Variants in SCLT1 observed in about 807,000 individuals in gnomAD.
The protein encoded by SCLT1 is sodium channel-associated protein 1.
In SCLT1, 78 loss-of-function variants were observed where a neutral mutation model predicts 112.8. That is an observed-to-expected ratio of 0.69 (90% confidence interval 0.58 to 0.83). The LOEUF is 0.83. Among genes scored for constraint, SCLT1 ranks in the 40% least tolerant of loss-of-function variants. SCLT1 has a pLI of 0.00. For synonymous variants in SCLT1, 257 were observed against 254.7 expected (o/e 1.01, Z -0.09); for missense variants, 747 against 770.4 (o/e 0.97, Z 0.36).
intron 9 of SCLT1, among the ~76,000 whole-genome samples, chr4:128,987,020 A>T (rs1742156509): frequency 6.6e-6 from 1 of 152,098 alleles, no homozygotes; most frequent in African/African-American, 2.4e-5. Context: ...CCCTCATCTT[A>T]CCGAAGTCTA....
downstream of SCLT1, among the ~76,000 whole-genome samples, chr4:128,880,095 T>C (rs1732608900): frequency 6.6e-6 from 1 of 152,194 alleles, no homozygotes; most frequent in Non-Finnish European, 1.5e-5. Context: ...CTAGATTACA[T>C]CTGGAAAATA....
At chr4:129,045,536 T>C (rs2125702251) in intron 2 of SCLT1, among the ~76,000 whole-genome samples, 2 of 152,058 alleles carry the variant, frequency 1.3e-5, no homozygotes, top group Non-Finnish European at 2.9e-5. Context: ...AAATAAAAAA[T>C]GATACAATAG....
chr4:128,881,423 T>G (rs1579270658), downstream of SCLT1, among the ~76,000 whole-genome samples: 1 of 152,214 alleles, frequency 6.6e-6, no homozygotes, highest in Non-Finnish European at 1.5e-5. Flanking sequence ...ATATTTAATA[T>G]TTGCAGACTT....
At chr4:129,001,529 T>C (rs1394556588) in intron 6 of SCLT1, among the ~76,000 whole-genome samples, 1 of 152,114 alleles carries the variant, frequency 6.6e-6, no homozygotes, top group Non-Finnish European at 1.5e-5. Flanking sequence ...AATATATTTA[T>C]TCAAAAATTT....
At chr4:129,081,480 G>A (rs772627511) in intron 2 of SCLT1, among the ~76,000 whole-genome samples, 3 of 152,210 alleles carry the variant, frequency 2.0e-5, no homozygotes, top group Non-Finnish European at 4.4e-5. Context: ...GCATGGCTTG[G>A]GAAGCCTCAG....
In SCLT1 at chr4:128,993,933, T is replaced by C. The variant is rs1041418725; in HGVS notation, c.616-1696A>G. 4.6e-5 allele frequency among the ~76,000 whole-genome samples: 7 copies of C among 152,192 alleles called. No homozygotes were observed. The East Asian group carries it at 1.3e-3, about 29-fold the overall frequency. Reference sequence around the variant, plus strand: ...CTATCTACAGCATAATAAATAGAAATATATACTTTTATGTACCATTCATGT... The same window carrying C: ...CTATCTACAGCATAATAAATAGAAACATATACTTTTATGTACCATTCATGT... On this transcript the variant is annotated intron_variant, in intron 8 of 20. Coordinates refer to ENST00000281142, the MANE Select transcript of SCLT1 (RefSeq NM_144643.4).
At chr4:128,946,266 T>A in intron 15 of SCLT1, 114 bp from the exon 16 acceptor site, 1 of 612,374 alleles carries the variant, frequency 1.6e-6, no homozygotes. Flanking sequence ...TGTTCATTTG[T>A]TCTGACCGTA....
At chr4:129,031,043 C>T (rs1365340282) in intron 5 of SCLT1, among the ~76,000 whole-genome samples, 6 of 152,058 alleles carry the variant, frequency 3.9e-5, no homozygotes, top group Admixed American at 6.6e-5. Flanking sequence ...CCCTGATGAA[C>T]ATCGATGCAA....
downstream of SCLT1, among the ~76,000 whole-genome samples, chr4:128,880,234 G>A (rs966633528): frequency 1.3e-5 from 2 of 152,158 alleles, no homozygotes; most frequent in East Asian, 3.8e-4. Flanking sequence ...TCTGACATGT[G>A]CTGATCAGTT....
intron 18 of SCLT1, among the ~76,000 whole-genome samples, chr4:128,922,519 A>C (rs574338411): frequency 6.6e-6 from 1 of 152,296 alleles, no homozygotes; most frequent in African/African-American, 2.4e-5. Context: ...ATGGAGTTGG[A>C]GGCCACAGTC....
intron 2 of SCLT1, among the ~76,000 whole-genome samples, chr4:129,053,003 A>G (rs1395055738): frequency 3.3e-5 from 5 of 152,158 alleles, no homozygotes; most frequent in Non-Finnish European, 7.3e-5. Flanking sequence ...GTCATTCAAG[A>G]GCAGGTTGTT....
chr4:128,997,088 A>C (rs953041967), intron 8 of SCLT1: 1 of 152,024 alleles, frequency 6.6e-6, no homozygotes, highest in African/African-American at 2.4e-5. Flanking sequence ...TAGTATCAAA[A>C]ACTGTATGTA....
At chr4:128,928,705 G>A (rs1736501559) in intron 18 of SCLT1, among the ~76,000 whole-genome samples, 1 of 152,070 alleles carries the variant, frequency 6.6e-6, no homozygotes, top group African/African-American at 2.4e-5. Flanking sequence ...GGTGGTGCAT[G>A]CCTGTAATCC....
In SCLT1 at chr4:129,088,868, A is replaced by G. The variant is rs535062607; in HGVS notation, c.34+4202T>C. Among the ~76,000 whole-genome samples the G allele has an allele frequency of 2.1e-4, 32 of 152,324 alleles. 1 individual carries two copies. Among genetic ancestry groups the G allele is most frequent in the Middle Eastern group, 3.4e-3 (1 of 294 alleles). On this transcript the variant is annotated intron_variant, in intron 1 of 20. Coordinates refer to ENST00000281142, the MANE Select transcript of SCLT1 (RefSeq NM_144643.4). The stretch of plus-strand genomic sequence containing the variant: ...AAAATCAACTCAAGATGGATTAAAC[A>G]CTTAAATGTAAGACCTAAAACTATA...
At chr4:129,023,877 G>A (rs1173673500) in intron 5 of SCLT1, among the ~76,000 whole-genome samples, 1 of 152,230 alleles carries the variant, frequency 6.6e-6, no homozygotes, top group Non-Finnish European at 1.5e-5. Flanking sequence ...TGGCACACCA[G>A]GAGATTATAT....
At chr4:129,089,007 T>A (rs1339742023) in intron 1 of SCLT1, among the ~76,000 whole-genome samples, 1 of 151,656 alleles carries the variant, frequency 6.6e-6, no homozygotes, top group Non-Finnish European at 1.5e-5. Context: ...ACAAATAGGG[T>A]CTAATTAAAC....
intron 14 of SCLT1, 156 bp downstream of exon 14, chr4:128,952,613 G>A: frequency 1.6e-6 from 1 of 628,064 alleles, no homozygotes; most frequent in Non-Finnish European, 2.9e-6. Context: ...CAAGGCTGCT[G>A]CAAACATGTC....
intron 18 of SCLT1, among the ~76,000 whole-genome samples, chr4:128,919,738 C>CA (rs142025461): frequency 0.23 from 33,350 of 148,008 alleles, 4,382 homozygotes; most frequent in African/African-American, 0.37. Context: ...CACAGAAATA[C>CA]AAAAAAAAAA....
chr4:129,043,480 A>G lies in SCLT1; in HGVS notation c.162-13T>C. ...AGGAGCTAAAAAGCTAAAAAAAGACAATAAAAATATAGCATATTCTGTTCC... is the reference window on the plus strand; with the variant it reads ...AGGAGCTAAAAAGCTAAAAAAAGACGATAAAAATATAGCATATTCTGTTCC... On this transcript the variant is annotated splice_polypyrimidine_tract_variant and intron_variant, in intron 3 of 20. Transcript: ENST00000281142. 1 of 1,253,342 alleles carries G rather than the reference A, an allele frequency of 8.0e-7. No individual in the cohort carries two copies. Among genetic ancestry groups the G allele is most frequent in the South Asian group, 1.3e-5 (1 of 77,236 alleles). The allele number at this position is 1,253,342 out of a possible 1,614,324, so 77.6% of individuals were successfully genotyped here.
Sources: gnomAD v4.1 joint callset for allele counts (sites outside exome capture counted in the v4.1 genomes callset) on GRCh38, gnomAD v4.1.1 for gene constraint, MANE v1.5 for transcripts, NCBI Gene and HGNC (gene_info 2026-07-23, HGNC 2026-07-21) for gene names.